Variants in TPD52L1 observed in about 807,000 individuals in gnomAD.
TPD52L1 encodes the protein tumor protein D53.
A neutral mutation model predicts 28.7 loss-of-function variants in TPD52L1; 18 were observed. The ratio of observed to expected loss-of-function variants is 0.63; its 90% CI spans 0.43 to 0.93. The LOEUF (loss-of-function observed/expected upper bound fraction) is 0.93. Ranked by LOEUF, TPD52L1 falls within the 40% of genes least tolerant of loss-of-function variation. The pLI is 0.00. For synonymous variants in TPD52L1, 75 were observed against 88.8 expected (o/e 0.84, Z 0.88); for missense variants, 203 against 254.8 (o/e 0.80, Z 1.39).
intron 5 of TPD52L1, chr6:125,253,971 G>C: frequency 2.7e-6 from 2 of 743,670 alleles, no homozygotes; most frequent in South Asian, 2.7e-5. Context: ...TGTGATCCAA[G>C]ACAAGTGACT....
intron 3 of TPD52L1, among the ~76,000 whole-genome samples, chr6:125,244,723 CA>C (rs1053672736): frequency 6.6e-6 from 1 of 152,148 alleles, no homozygotes; most frequent in Non-Finnish European, 1.5e-5. Flanking sequence ...AGTAGAGTGC[CA>C]GGGGAAACAA....
intron 1 of TPD52L1, among the ~76,000 whole-genome samples, chr6:125,199,730 G>A (rs1391613015): frequency 6.6e-6 from 1 of 152,288 alleles, no homozygotes; most frequent in East Asian, 1.9e-4. Context: ...AGTTTAGCTT[G>A]CCTGCAATAT....
intron 1 of TPD52L1, among the ~76,000 whole-genome samples, chr6:125,173,243 T>C (rs1357609626): frequency 3.9e-5 from 6 of 152,222 alleles, no homozygotes; most frequent in Admixed American, 3.3e-4. Flanking sequence ...CCTTTCTCTC[T>C]TTTCTTAATT....
intron 1 of TPD52L1, among the ~76,000 whole-genome samples, chr6:125,198,484 C>G (rs1793588516): frequency 2.6e-5 from 4 of 152,156 alleles, no homozygotes. Flanking sequence ...CACGTGACCA[C>G]AAACACATGA....
At chr6:125,188,399 A>T (rs1792795971) in intron 1 of TPD52L1, among the ~76,000 whole-genome samples, 1 of 152,176 alleles carries the variant, frequency 6.6e-6, no homozygotes. Flanking sequence ...CCTTCTTGAA[A>T]AGAGGGAATA....
intron 3 of TPD52L1, among the ~76,000 whole-genome samples, chr6:125,245,980 T>G (rs1796900242): frequency 6.6e-6 from 1 of 152,186 alleles, no homozygotes; most frequent in Admixed American, 6.5e-5. Flanking sequence ...CCAGTGGCAA[T>G]TATTATAAAA....
At chr6:125,252,829 A>C (rs1797360095) in intron 4 of TPD52L1, 1 of 152,216 alleles carries the variant, frequency 6.6e-6, no homozygotes, top group Admixed American at 6.5e-5. Flanking sequence ...TGTTCTAGCA[A>C]AGTGCTACCC....
chr6:125,208,953 G>C, intron 1 of TPD52L1: 1 of 985,368 alleles, frequency 1.0e-6, no homozygotes, highest in Non-Finnish European at 1.2e-6. Flanking sequence ...GTAGAAGCCT[G>C]TGCTGAGCTG....
At chr6:125,197,662 A>C (rs1793529382) in intron 1 of TPD52L1, among the ~76,000 whole-genome samples, 1 of 152,148 alleles carries the variant, frequency 6.6e-6, no homozygotes, top group South Asian at 2.1e-4. Context: ...ATATAATATA[A>C]AGTACTAATC....
chr6:125,169,942 G>A (rs535444131), intron 1 of TPD52L1, among the ~76,000 whole-genome samples: 3 of 151,718 alleles, frequency 2.0e-5, no homozygotes, highest in African/African-American at 4.8e-5. Context: ...AATTCCCTTC[G>A]CTTCCTCTTA....
At position 125,214,350 on chromosome 6, in the gene TPD52L1, G is replaced by A. The variant is rs577901488; in HGVS notation, c.20-5728G>A. 455 of 554,870 alleles carry A rather than the reference G, an allele frequency of 8.2e-4. 2 individuals are homozygous for A. The Middle Eastern group carries it at 0.01, about 12-fold the overall frequency. 34.4% of individuals were successfully genotyped at this position (554,870 alleles called of 1,614,324 possible). On this transcript the variant is annotated intron_variant, in intron 1 of 6. Transcript: ENST00000534000. ...CCCATTTCATACTTTCTGGGCCAAT[G>A]CCCAGAGAGAAAGGTGGGACATACA...
At chr6:125,258,402 G>A (rs1406579914) in intron 6 of TPD52L1, among the ~76,000 whole-genome samples, 2 of 152,106 alleles carry the variant, frequency 1.3e-5, no homozygotes, top group African/African-American at 4.8e-5. Flanking sequence ...AAAGGGAAGA[G>A]CATCCAATGT....
chr6:125,164,373 C>A (rs992488143), intron 1 of TPD52L1, among the ~76,000 whole-genome samples: 2 of 152,030 alleles, frequency 1.3e-5, no homozygotes, highest in Non-Finnish European at 2.9e-5. Flanking sequence ...GTTCTGTTTT[C>A]AAGATGAAGA....
chr6:125,177,397 T>G (rs3778462), intron 1 of TPD52L1, among the ~76,000 whole-genome samples: 19,407 of 152,206 alleles, frequency 0.13, 1,393 homozygotes, highest in East Asian at 0.36. Flanking sequence ...ACAGCATTTT[T>G]AATCTTTTTA....
In TPD52L1 at chr6:125,191,720, T is replaced by C. The variant is rs190755689; in HGVS notation, c.20-28358T>C. On this transcript the variant is annotated intron_variant, in intron 1 of 6. Transcript: ENST00000534000. Reference sequence around the variant, plus strand: ...ATCTGAGGAGAGAGAGAGCTGGGAGTGAAGGAAGAAGTGAACAACTGTGGA... The same window carrying C: ...ATCTGAGGAGAGAGAGAGCTGGGAGCGAAGGAAGAAGTGAACAACTGTGGA... 3.3e-3 allele frequency among the ~76,000 whole-genome samples: 503 copies of C among 152,144 alleles called. 3 individuals are homozygous for C. Among genetic ancestry groups the C allele is most frequent in the African/African-American group, 0.011 (444 of 41,506 alleles).
At chr6:125,193,664 C>G (rs1033212712) in intron 1 of TPD52L1, among the ~76,000 whole-genome samples, 7 of 152,046 alleles carry the variant, frequency 4.6e-5, no homozygotes, top group African/African-American at 9.7e-5. Context: ...ACCTATGCAA[C>G]ACACATACAG....
intron 1 of TPD52L1, among the ~76,000 whole-genome samples, chr6:125,199,457 G>A (rs573267423): frequency 6.6e-6 from 1 of 152,304 alleles, no homozygotes; most frequent in South Asian, 2.1e-4. Context: ...GGCTGCGGCG[G>A]GCAGAATCAC....
At chr6:125,158,386 CATTAT>C (rs1325405550) in intron 1 of TPD52L1, among the ~76,000 whole-genome samples, 4 of 143,984 alleles carry the variant, frequency 2.8e-5, no homozygotes, top group Admixed American at 7.1e-5. Context: ...TTTATACTTA[CATTAT>C]AAGTATACAT....
In TPD52L1 at chr6:125,257,088, G is replaced by A; in HGVS notation, c.426-10G>A. On this transcript the variant is annotated splice_polypyrimidine_tract_variant and intron_variant, in intron 5 of 6. Coordinates refer to ENST00000534000, the MANE Select transcript of TPD52L1 (RefSeq NM_003287.4). ...CTTTGGAGCTGACCTCTCTCTTTTT[G>A]TTATTTTAGGAATTCTCCTACTTTC... The A allele has an allele frequency of 6.2e-7, 1 of 1,609,146 alleles. No homozygotes were observed. Among genetic ancestry groups the A allele is most frequent in the South Asian group, 1.1e-5 (1 of 90,386 alleles).
Sources: allele counts gnomAD v4.1 joint callset (sites outside exome capture counted in the v4.1 genomes callset), GRCh38; gene constraint gnomAD v4.1.1; transcripts MANE v1.5; gene names NCBI Gene and HGNC (gene_info 2026-07-23, HGNC 2026-07-21).